Variants in ZEB1 observed in about 807,000 individuals in gnomAD.
The protein encoded by ZEB1 is zinc finger E-box-binding homeobox 1.
A neutral mutation model predicts 84.9 loss-of-function variants in ZEB1; 21 were observed. The ratio of observed to expected loss-of-function variants is 0.25; its 90% confidence interval spans 0.18 to 0.36. The LOEUF is 0.36. Among genes scored for constraint, ZEB1 ranks in the 10% least tolerant of loss-of-function variants. The pLI, the probability that ZEB1 is intolerant of heterozygous loss-of-function variation, is 1.00. For missense variants in ZEB1, 1,104 were observed against 1,330.2 expected, an observed-to-expected ratio of 0.83 and a Z score of 2.65; for synonymous variants, 420 against 471.1, an observed-to-expected ratio of 0.89 and a Z score of 1.41.
intron 1 of ZEB1, among the ~76,000 whole-genome samples, chr10:31,442,236 T>C (rs1294587970): frequency 6.6e-6 from 1 of 152,122 alleles, no homozygotes; most frequent in Non-Finnish European, 1.5e-5. Context: ...CCATAAGAAA[T>C]GATGAGTTCA....
chr10:31,402,162 TAAGG>T (rs557709547), intron 1 of ZEB1, among the ~76,000 whole-genome samples: 2 of 151,680 alleles, frequency 1.3e-5, no homozygotes, highest in African/African-American at 2.4e-5. Context: ...AAAGACCAGA[TAAGG>T]AAGAAAGGCC....
intron 2 of ZEB1, among the ~76,000 whole-genome samples, chr10:31,488,519 G>GT (rs57811340): frequency 0.077 from 10,996 of 143,106 alleles, 527 homozygotes; most frequent in African/African-American, 0.15. Flanking sequence ...TTGTCTCACT[G>GT]TTTTTTTTTT....
intron 2 of ZEB1, among the ~76,000 whole-genome samples, chr10:31,471,371 C>A (rs546989171): frequency 6.7e-6 from 1 of 149,238 alleles, no homozygotes; most frequent in South Asian, 2.2e-4. Flanking sequence ...GGAGGAAGAT[C>A]TACCAAGCAA....
chr10:31,394,567 G>T (rs1439376369), intron 1 of ZEB1, among the ~76,000 whole-genome samples: 2 of 152,172 alleles, frequency 1.3e-5, no homozygotes, highest in Non-Finnish European at 2.9e-5. Context: ...CACCAAGGGA[G>T]ACCTCTTGCC....
intron 1 of ZEB1, among the ~76,000 whole-genome samples, chr10:31,354,267 A>G (rs556798338): frequency 6.6e-6 from 1 of 152,258 alleles, no homozygotes; most frequent in South Asian, 2.1e-4. Flanking sequence ...TTTAAGTTTT[A>G]TATAAAGCAC....
At chr10:31,353,327 A>G (rs140642347) in intron 1 of ZEB1, among the ~76,000 whole-genome samples, 318 of 152,358 alleles carry the variant, frequency 2.1e-3, no homozygotes, top group African/African-American at 6.7e-3. Context: ...AGATAGTTCA[A>G]TAGTTCCAAT....
intron 1 of ZEB1, among the ~76,000 whole-genome samples, chr10:31,386,665 A>G (rs2048692342): frequency 6.6e-6 from 1 of 152,136 alleles, no homozygotes; most frequent in Non-Finnish European, 1.5e-5. Flanking sequence ...ATAGTAGATT[A>G]TTCTGTGGCA....
intron 1 of ZEB1, chr10:31,320,331 C>T (rs1003834911): frequency 4.6e-5 from 7 of 152,246 alleles, no homozygotes; most frequent in Admixed American, 2.6e-4. Context: ...CCTCCCGGGG[C>T]AGACGAGGTC....
intron 1 of ZEB1, among the ~76,000 whole-genome samples, chr10:31,424,043 T>G (rs2056590689): frequency 6.6e-6 from 1 of 152,024 alleles, no homozygotes; most frequent in African/African-American, 2.4e-5. Context: ...TTTGTTTGGT[T>G]GATTTCAGCC....
intron 1 of ZEB1, among the ~76,000 whole-genome samples, chr10:31,336,289 A>C (rs1271145796): frequency 6.6e-6 from 1 of 152,188 alleles, no homozygotes; most frequent in Non-Finnish European, 1.5e-5. Flanking sequence ...TGGGATTGCC[A>C]ATGAGTGAAA....
chr10:31,365,439 A>C (rs1178958607), intron 1 of ZEB1, among the ~76,000 whole-genome samples: 1 of 152,206 alleles, frequency 6.6e-6, no homozygotes, highest in Non-Finnish European at 1.5e-5. Flanking sequence ...ATATTCAAAG[A>C]TATTATTAAA....
At chr10:31,460,542 T>G (rs1360030136) in intron 1 of ZEB1, among the ~76,000 whole-genome samples, 1 of 152,092 alleles carries the variant, frequency 6.6e-6, no homozygotes, top group Non-Finnish European at 1.5e-5. Flanking sequence ...TAATTGTACA[T>G]AAGCAATATC....
At chr10:31,478,165 A>G (rs950960428) in intron 2 of ZEB1, among the ~76,000 whole-genome samples, 2 of 152,202 alleles carry the variant, frequency 1.3e-5, no homozygotes, top group African/African-American at 4.8e-5. Flanking sequence ...TCAGCAAGAG[A>G]AAAACAACCC....
Position 31,441,857 on chromosome 10 carries a change from G to GAT in ZEB1, c.59-19178_59-19177dup, listed in dbSNP as rs1352546026. Reference sequence around the variant, plus strand: ...GAAATGCAAATCAAAACCACAATGAGATACCATTTCACACCAGTTAGAATG... The same window carrying GAT: ...GAAATGCAAATCAAAACCACAATGAGATATACCATTTCACACCAGTTAGAATG... On this transcript the variant is annotated intron_variant, in intron 1 of 8. Transcript: ENST00000424869. Among the ~76,000 whole-genome samples the GAT allele has an allele frequency of 3.9e-5, 6 of 152,208 alleles. 1 individual carries two copies. The South Asian group carries it at 1.2e-3, about 32-fold the overall frequency.
At chr10:31,456,470 T>C (rs2061254994) in intron 1 of ZEB1, among the ~76,000 whole-genome samples, 1 of 152,152 alleles carries the variant, frequency 6.6e-6, no homozygotes, top group African/African-American at 2.4e-5. Context: ...GAGATTCTAA[T>C]GGTTAAAATT....
chr10:31,467,496 A>G (rs1458000823), intron 2 of ZEB1, among the ~76,000 whole-genome samples: 1 of 152,126 alleles, frequency 6.6e-6, no homozygotes, highest in Non-Finnish European at 1.5e-5. Flanking sequence ...AGTCCCTCCT[A>G]AGATTGCCTG....
intron 1 of ZEB1, among the ~76,000 whole-genome samples, chr10:31,452,999 G>A (rs905533714): frequency 6.6e-6 from 1 of 152,036 alleles, no homozygotes; most frequent in Non-Finnish European, 1.5e-5. Context: ...CTTAAATTAT[G>A]ACAATATGCT....
At chr10:31,479,794 A>G (rs2064794126) in intron 2 of ZEB1, among the ~76,000 whole-genome samples, 1 of 151,974 alleles carries the variant, frequency 6.6e-6, no homozygotes. Context: ...TCATATGGAA[A>G]AAGGAGTATT....
chr10:31,326,794 A>G (rs1216612653), intron 1 of ZEB1, among the ~76,000 whole-genome samples: 1 of 152,252 alleles, frequency 6.6e-6, no homozygotes, highest in South Asian at 2.1e-4. Context: ...TCTAATACAT[A>G]TGCATACATC....
Sources: allele counts gnomAD v4.1 joint callset (sites outside exome capture counted in the v4.1 genomes callset), GRCh38; gene constraint gnomAD v4.1.1; transcripts MANE v1.5; gene names NCBI Gene and HGNC (gene_info 2026-07-23, HGNC 2026-07-21).